DMD: variants seen among roughly 807,000 people sequenced by gnomAD.
DMD encodes mutant dystrophin.
A neutral mutation model predicts 330.1 loss-of-function variants in DMD; 63 were observed. That is an observed-to-expected ratio of 0.19 (90% CI 0.16 to 0.24). DMD has a LOEUF of 0.24. DMD is among the 10% of genes least tolerant of loss of function. The pLI, the probability that DMD is intolerant of heterozygous loss-of-function variation, is 1.00. For synonymous variants in DMD, 1,223 were observed against 959.8 expected (o/e 1.27, Z -5.07); for missense variants, 3,344 against 2,684.1 (o/e 1.25, Z -5.43).
intron 60 of DMD, among the ~76,000 whole-genome samples, chrX:31,429,866 TAAG>T (rs981998724): frequency 8.3e-5 from 9 of 108,696 alleles, no homozygotes; most frequent in East Asian, 5.8e-4. Context: ...GGTCAAATTT[TAAG>T]AAGGTTTTTT....
intron 2 of DMD, among the ~76,000 whole-genome samples, chrX:33,010,992 T>G (rs1274801080): frequency 9.0e-6 from 1 of 111,564 alleles, no homozygotes; most frequent in East Asian, 2.8e-4. Flanking sequence ...ATTTTCTAGG[T>G]AATTCCAATG....
intron 13 of DMD, among the ~76,000 whole-genome samples, chrX:32,592,799 G>A (rs1361832116): frequency 8.9e-6 from 1 of 112,116 alleles, no homozygotes; most frequent in African/African-American, 3.2e-5. Flanking sequence ...GCTGTAACAT[G>A]CTCCTTGGGG....
intron 55 of DMD, among the ~76,000 whole-genome samples, chrX:31,520,911 C>T: frequency 9.0e-6 from 1 of 110,764 alleles, no homozygotes; most frequent in Non-Finnish European, 1.9e-5. Context: ...GATCTCCTGA[C>T]CTCGTGATCT....
At chrX:32,861,439 G>A (rs1170494559) in intron 2 of DMD, among the ~76,000 whole-genome samples, 1 of 111,839 alleles carries the variant, frequency 8.9e-6, no homozygotes, top group South Asian at 3.7e-4. Context: ...CCTGGAGGTG[G>A]AGAATGACAC....
intron 2 of DMD, among the ~76,000 whole-genome samples, chrX:32,920,100 T>C (rs1390016370): frequency 9.0e-6 from 1 of 111,709 alleles, no homozygotes; most frequent in Non-Finnish European, 1.9e-5. Flanking sequence ...AAACACTAGA[T>C]GGATAAAGAT....
At chrX:31,530,614 G>C (rs1249586301) in intron 55 of DMD, among the ~76,000 whole-genome samples, 1 of 98,654 alleles carries the variant, frequency 1.0e-5, no homozygotes, top group African/African-American at 3.8e-5. Context: ...GGGTAACCTT[G>C]GTATATACCT....
chrX:31,768,866 G>A (rs988113093), intron 51 of DMD, among the ~76,000 whole-genome samples: 3 of 111,222 alleles, frequency 2.7e-5, no homozygotes, highest in Non-Finnish European at 5.7e-5. Flanking sequence ...AAAAGATAAT[G>A]GTATATTTTC....
At chrX:32,371,660 A>G (rs2097878646) in intron 34 of DMD, among the ~76,000 whole-genome samples, 1 of 111,557 alleles carries the variant, frequency 9.0e-6, no homozygotes, top group African/African-American at 3.2e-5. Flanking sequence ...CCTCTAATTA[A>G]TCACATACAT....
chrX:31,605,312 A>G (rs745400027), intron 55 of DMD, among the ~76,000 whole-genome samples: 46 of 111,974 alleles, frequency 4.1e-4, no homozygotes, highest in Non-Finnish European at 7.3e-4. Context: ...AGATCACATA[A>G]CCATCTGAAC....
At chrX:31,531,354 T>A (rs1472569324) in intron 55 of DMD, among the ~76,000 whole-genome samples, 3 of 54,307 alleles carry the variant, frequency 5.5e-5, no homozygotes, top group Non-Finnish European at 9.6e-5. Context: ...CCTGACTTTT[T>A]AATGATTGCC....
intron 17 of DMD, among the ~76,000 whole-genome samples, chrX:32,523,218 T>C (rs113703046): frequency 0.013 from 1,469 of 111,114 alleles, 27 homozygotes; most frequent in African/African-American, 0.044. Flanking sequence ...TAAAGAACAC[T>C]GGAAGGCCTC....
At chrX:32,119,438 G>A (rs948176237) in intron 44 of DMD, among the ~76,000 whole-genome samples, 2 of 110,757 alleles carry the variant, frequency 1.8e-5, no homozygotes, top group African/African-American at 6.6e-5. Context: ...AACTGTATCA[G>A]GTCCGCAATG....
chrX:32,486,414 T>G (rs1405603331), intron 20 of DMD, among the ~76,000 whole-genome samples: 1 of 111,688 alleles, frequency 9.0e-6, no homozygotes, highest in Non-Finnish European at 1.9e-5. Flanking sequence ...TCTAGACCAT[T>G]TTAAATTACA....
At chrX:32,731,462 C>G (rs973513888) in intron 7 of DMD, among the ~76,000 whole-genome samples, 22 of 112,722 alleles carry the variant, frequency 2.0e-4, no homozygotes, top group African/African-American at 7.1e-4. Context: ...GAGGGCAGGG[C>G]ACAGACAAAC....
chrX:32,725,045 ATTGT>A (rs1277893034), intron 7 of DMD, among the ~76,000 whole-genome samples: 1 of 111,534 alleles, frequency 9.0e-6, no homozygotes, highest in Non-Finnish European at 1.9e-5. Flanking sequence ...ATAAATAGTC[ATTGT>A]TTGGTTGTAT....
chrX:33,073,673 A>G (rs1288061879), intron 1 of DMD, among the ~76,000 whole-genome samples: 4 of 110,158 alleles, frequency 3.6e-5, no homozygotes, highest in African/African-American at 6.6e-5. Context: ...TCTACTAAAA[A>G]CACAAAAAAT....
chrX:32,459,587 C>T (rs181003133), intron 25 of DMD, among the ~76,000 whole-genome samples: 2 of 111,404 alleles, frequency 1.8e-5, no homozygotes, highest in African/African-American at 3.2e-5. Flanking sequence ...GATGGAACCG[C>T]TAGTCACTCT....
intron 2 of DMD, among the ~76,000 whole-genome samples, chrX:32,930,467 TTTG>T (rs1181378521): frequency 9.0e-6 from 1 of 110,751 alleles, no homozygotes; most frequent in Non-Finnish European, 1.9e-5. Context: ...AAAAGAAGCT[TTTG>T]TTATTTATAC....
At chrX:33,336,238 T>C (rs2054252491) in intron 1 of DMD, among the ~76,000 whole-genome samples, 1 of 84,668 alleles carries the variant, frequency 1.2e-5, no homozygotes. Context: ...TCTGACTTTT[T>C]TTTTTTTCCA....
Sources: gnomAD v4.1 joint callset for allele counts (sites outside exome capture counted in the v4.1 genomes callset) on GRCh38, gnomAD v4.1.1 for gene constraint, MANE v1.5 for transcripts, NCBI Gene and HGNC (gene_info 2026-07-23, HGNC 2026-07-21) for gene names.